The following TRIM4 variants were observed in gnomAD, a reference collection of about 807,000 sequenced individuals.
TRIM4 encodes tripartite motif containing 4.
Under a neutral mutation model 33.7 loss-of-function variants are expected in TRIM4, and 29 were observed. The observed-to-expected ratio is 0.86, with a 90% CI of 0.64 to 1.17. The LOEUF is 1.17. Among genes scored for constraint, TRIM4 ranks in the 50% most tolerant of loss-of-function variants. The probability of loss-of-function intolerance (pLI) is 0.00; values close to 1 mark genes in which losing one functional copy is unlikely to be tolerated. For synonymous variants in TRIM4, 224 were observed against 233.0 expected (o/e 0.96, Z 0.35); for missense variants, 554 against 593.7 (o/e 0.93, Z 0.69).
intron 3 of TRIM4, 49 bp downstream of exon 3, chr7:99,908,533 A>G (rs932521745): frequency 7.7e-6 from 11 of 1,430,934 alleles, no homozygotes; most frequent in Non-Finnish European, 1.1e-5. Context: ...AAGACAAGAG[A>G]GAGTTCAGTT....
intron 4 of TRIM4, 70 bp from the exon 5 acceptor site, chr7:99,903,385 G>T: frequency 7.2e-7 from 1 of 1,394,824 alleles, no homozygotes; most frequent in Non-Finnish European, 1.0e-6. Flanking sequence ...CCGGTCAAAG[G>T]TTCTTAGCCC....
At chr7:99,912,586 G>A (rs756059590) in intron 1 of TRIM4, among the ~76,000 whole-genome samples, 3 of 151,650 alleles carry the variant, frequency 2.0e-5, no homozygotes, top group Non-Finnish European at 4.4e-5. Context: ...TGATATACAT[G>A]CTGAAGTATT....
At chr7:99,917,348 G>A (rs1562780185) in intron 1 of TRIM4, among the ~76,000 whole-genome samples, 1 of 152,230 alleles carries the variant, frequency 6.6e-6, no homozygotes, top group African/African-American at 2.4e-5. Context: ...CCAGCTTTGT[G>A]TCTGTTTCCT....
chr7:99,898,553 C>T (rs893816383), intron 5 of TRIM4, among the ~76,000 whole-genome samples: 2 of 152,172 alleles, frequency 1.3e-5, no homozygotes, highest in African/African-American at 4.8e-5. Context: ...CTTCACCTGC[C>T]GGACACATTC....
chr7:99,913,727 CTTAA>C (rs1819495453), intron 1 of TRIM4, among the ~76,000 whole-genome samples: 1 of 152,046 alleles, frequency 6.6e-6, no homozygotes, highest in African/African-American at 2.4e-5. Flanking sequence ...ATCACTTTCT[CTTAA>C]TTTAGCACCA....
rs1442735728 is a variant in TRIM4, at chr7:99,903,517, G to A, written c.743+59C>T. On this transcript the variant is annotated intron_variant, in intron 4 of 5. Coordinates refer to ENST00000349062, the MANE Select transcript of TRIM4 (RefSeq NM_033091.3). ...GGATCCTAGGCCTTGTTTCCCCTCT[G>A]CTCAGCCTGTATCTTTACCATGCCA... The A allele has an allele frequency of 1.9e-6, 3 of 1,605,980 alleles. No individual in the cohort carries two copies. The African/African-American group carries it at 4.0e-5, about 21-fold the overall frequency.
chr7:99,900,987 A>T (rs2151644562), intron 5 of TRIM4, among the ~76,000 whole-genome samples: 1 of 152,288 alleles, frequency 6.6e-6, no homozygotes, highest in Non-Finnish European at 1.5e-5. Context: ...TATTATATTC[A>T]GAAAATCTTT....
chr7:99,911,365 T>C (rs1394179638), intron 1 of TRIM4, among the ~76,000 whole-genome samples: 3 of 152,132 alleles, frequency 2.0e-5, no homozygotes, highest in African/African-American at 7.2e-5. Flanking sequence ...GAAGAGACCA[T>C]TTAAATTACA....
At chr7:99,904,753 T>A (rs1819258071) in intron 3 of TRIM4, among the ~76,000 whole-genome samples, 1 of 152,078 alleles carries the variant, frequency 6.6e-6, no homozygotes, top group Non-Finnish European at 1.5e-5. Flanking sequence ...TTTATCTGGA[T>A]GAGTACAGTG....
chr7:99,919,245 G>A lies in TRIM4; in HGVS notation c.157C>T (p.Arg53Trp), dbSNP rs1282816165. 1.3e-6 allele frequency: 2 copies of A among 1,538,204 alleles called. No individual in the cohort carries two copies. The highest frequency in any genetic ancestry group is 1.8e-6 in the Non-Finnish European group (2 of 1,141,870). ...GGGPFPCPEC[R>W]HPSAPAALRP... is the part of the protein sequence containing the mutation. ...AGCGCGGCGGGCGCCGATGGGTGCCGACATTCGGGGCAGGGGAACGGGCCG... is the reference window on the plus strand; with the variant it reads ...AGCGCGGCGGGCGCCGATGGGTGCCAACATTCGGGGCAGGGGAACGGGCCG... The change falls in exon 1 of 6, where the codon CGG becomes TGG. Residue 53 changes from arginine (R) to tryptophan (W), a missense_variant. Arg to Trp is a moderately radical substitution (Grantham distance 101). This residue lies in a region of TRIM4 where 233 missense variants were observed against 203.1 expected (regional missense o/e 1.15). Coordinates refer to ENST00000349062, the MANE Select transcript of TRIM4 (RefSeq NM_033091.3).
chr7:99,892,123 G>T lies in TRIM4; in HGVS notation c.*40C>A. 6.6e-7 allele frequency: 1 copy of T among 1,523,866 alleles called. No individual in the cohort carries two copies. Among genetic ancestry groups the T allele is most frequent in the Admixed American group, 1.9e-5 (1 of 53,860 alleles). 94.4% of individuals were successfully genotyped at this position (1,523,866 alleles called of 1,614,324 possible). ...GCCCAGGGATGTGTGTCCCTCAGCT[G>T]GACTACAGGGAAGGAGTTTTGGTCA... On this transcript the variant is annotated 3_prime_UTR_variant, in exon 6 of 6. Transcript: ENST00000349062.
chr7:99,908,619 C>T lies in TRIM4; in HGVS notation c.683G>A (p.Gly228Glu). The change falls in exon 3 of 6, where the codon GGG becomes GAG. Residue 228 changes from glycine (G) to glutamate (E), a missense_variant. By Grantham distance (98) the Gly-to-Glu change is moderately conservative. Around this residue, in one of 3 missense-constraint regions of TRIM4, gnomAD observed 290 missense variants for 335.8 expected, o/e 0.86. Transcript: ENST00000349062. ...CAGGGTGGGAGCCTGGCTCTTCTCC[C>T]CCACCTCTAAGATGAGCTTCTTCAA... ...ASLKKLILEV[G>E]EKSQAPTLEL... 6.2e-7 allele frequency: 1 copy of T among 1,613,682 alleles called. No individual in the cohort carries two copies. The highest frequency in any genetic ancestry group is 8.5e-7 in the Non-Finnish European group (1 of 1,179,736).
At chr7:99,893,967 CTT>C (rs74857142) in intron 5 of TRIM4, among the ~76,000 whole-genome samples, 98 of 136,950 alleles carry the variant, frequency 7.2e-4, no homozygotes, top group Non-Finnish European at 8.3e-4. Context: ...CATGGTTTTC[CTT>C]TTTTTTTTTT....
intron 5 of TRIM4, among the ~76,000 whole-genome samples, chr7:99,897,583 A>T (rs1167152644): frequency 6.6e-6 from 1 of 152,200 alleles, no homozygotes; most frequent in Non-Finnish European, 1.5e-5. Context: ...AAAAAAAAGA[A>T]CAAAAGATTT....
chr7:99,919,366 G>A lies in TRIM4; in HGVS notation c.36C>T (p.Cys12=). The change falls in exon 1 of 6, where the codon TGC becomes TGT. Residue 12 remains cysteine (C), a synonymous_variant. Coordinates refer to ENST00000349062, the MANE Select transcript of TRIM4 (RefSeq NM_033091.3). ...CCTGGAAATAGTCCAGGCAGATGGG[G>A]CAGGTCAACTCCTCCTGGATGTCCT... The part of the protein sequence containing the change: ...EAEDIQEELT[C]PICLDYFQDP... 1 of 1,577,374 alleles carries A rather than the reference G, an allele frequency of 6.3e-7. No individual in the cohort carries two copies. Among genetic ancestry groups the A allele is most frequent in the Middle Eastern group, 1.7e-4 (1 of 5,976 alleles).
intron 3 of TRIM4, among the ~76,000 whole-genome samples, chr7:99,905,338 T>C (rs1012786764): frequency 6.6e-6 from 1 of 152,226 alleles, no homozygotes; most frequent in African/African-American, 2.4e-5. Flanking sequence ...CACACATGTA[T>C]GTCCTATGAC....
Position 99,892,547 on chromosome 7 carries a change from G to T in TRIM4, c.1041C>A (p.Asn347Lys), listed in dbSNP as rs777659820. 1.9e-6 allele frequency: 3 copies of T among 1,614,174 alleles called. No individual in the cohort carries two copies. The highest frequency in any genetic ancestry group is 2.5e-6 in the Non-Finnish European group (3 of 1,180,018). The change falls in exon 6 of 6, where the codon AAC (asparagine) becomes AAA (lysine). Residue 347 changes from asparagine (N) to lysine (K), a missense_variant. Physicochemically the swap from Asn to Lys is moderately conservative, Grantham distance 94. Coordinates refer to ENST00000349062, the MANE Select transcript of TRIM4 (RefSeq NM_033091.3). ...FQHLPCVLGK[N>K]VFTSGKHYWE... ...AGTAATGTTTCCCTGAGGTGAAAAC[G>T]TTTTTTCCCAGAACACAGGGTAAGT...
intron 1 of TRIM4, among the ~76,000 whole-genome samples, chr7:99,913,247 T>C (rs1327898756): frequency 2.0e-5 from 3 of 151,970 alleles, no homozygotes; most frequent in African/African-American, 7.3e-5. Flanking sequence ...AACTGGGAGG[T>C]GAGTTAACTT....
rs757996629 is a variant in TRIM4, at chr7:99,908,753, G to C, written c.549C>G (p.Phe183Leu). 1 of 1,613,964 alleles carries C rather than the reference G, an allele frequency of 6.2e-7. No individual in the cohort carries two copies. The highest frequency in any genetic ancestry group is 1.3e-5 in the African/African-American group (1 of 74,876). ...GAAACAGGTCCTCTTCTTCAACCAG[G>C]AAGTTGTGCAGCTTTGAAAACTCCG... ...ISTEFSKLHN[F>L]LVEEEDLFLQ... Residue 183 changes from phenylalanine to leucine, a missense_variant, in exon 3 of 6, where the codon TTC becomes TTG. By Grantham distance (22) the Phe-to-Leu change is conservative. Coordinates refer to ENST00000349062, the MANE Select transcript of TRIM4 (RefSeq NM_033091.3).
Sources: gnomAD v4.1 joint callset for allele counts (sites outside exome capture counted in the v4.1 genomes callset) on GRCh38, gnomAD v4.1.1 for gene constraint, gnomAD v4.1.1 regional missense constraint, MANE v1.5 for transcripts, NCBI Gene and HGNC (gene_info 2026-07-23, HGNC 2026-07-21) for gene names.